The following MME variants were observed in gnomAD, a reference collection of about 807,000 sequenced individuals.
MME encodes membrane metalloendopeptidase.
MME carries 98 observed loss-of-function variants against 113.2 expected under a neutral mutation model. The observed-to-expected ratio is 0.87, with a 90% CI of 0.74 to 1.02. The LOEUF is 1.02. MME is among the 50% of genes least tolerant of loss of function. The pLI is 0.00. For missense variants in MME, 836 were observed against 896.0 expected (o/e 0.93, Z 0.86); for synonymous variants, 292 against 300.6 (o/e 0.97, Z 0.30).
rs776808263 is a variant in MME at position 155,168,692 on chromosome 3, T to C, written c.1915-40T>C. On this transcript the variant is annotated intron_variant, in intron 19 of 22. Coordinates refer to ENST00000360490, the MANE Select transcript of MME (RefSeq NM_007289.4). ...AATCTTAAGTGTATTATTGGTGGTT[T>C]CTTTTTTTAACAATCCTAATAAAGT... 1.1e-5 allele frequency: 18 copies of C among 1,612,448 alleles called. No homozygotes were observed. The South Asian group carries it at 2.0e-4, about 18-fold the overall frequency.
chr3:155,062,787 G>A (rs1052369828), intron 1 of MME, among the ~76,000 whole-genome samples: 4 of 151,946 alleles, frequency 2.6e-5, no homozygotes, highest in African/African-American at 2.4e-5. Context: ...GGGCGCAGTG[G>A]CTCACACCTG....
At chr3:155,053,778 A>C (rs1453536041) in intron 1 of MME, among the ~76,000 whole-genome samples, 1 of 152,214 alleles carries the variant, frequency 6.6e-6, no homozygotes, top group African/African-American at 2.4e-5. Flanking sequence ...GAAAGGAAGA[A>C]TTACTCTGAG....
At chr3:155,144,597 A>G (rs960649504) in intron 14 of MME, 140 bp downstream of exon 14, 5 of 644,802 alleles carry the variant, frequency 7.8e-6, no homozygotes, top group Non-Finnish European at 1.4e-5. Flanking sequence ...GTTTCCAGAA[A>G]GAGTTTTTGT....
chr3:155,083,972 C>T (rs1715409678), intron 1 of MME, 186 bp from the exon 2 acceptor site: 2 of 580,818 alleles, frequency 3.4e-6, no homozygotes, highest in Admixed American at 6.0e-5. Flanking sequence ...GTGACTGAGA[C>T]CTGTCAAATT....
Position 155,142,092 on chromosome 3 carries a change from C to G in MME, c.1059C>G (p.Thr353=), listed in dbSNP as rs1326130247. 4 of 1,613,658 alleles carry G rather than the reference C, an allele frequency of 2.5e-6. No homozygotes were observed. In the Admixed American group the frequency reaches 6.7e-5, roughly 27 times the overall value. The change falls in exon 11 of 23, where the codon ACC becomes ACG. Residue 353 remains threonine, a synonymous_variant. Coordinates refer to ENST00000360490, the MANE Select transcript of MME (RefSeq NM_007289.4). ...TTGTTTATGCTCCAGAATATTTAAC[C>G]AAACTTAAGCCCATTCTTACCAAAT... The part of the protein sequence containing the change: ...DVVVYAPEYL[T]KLKPILTKYS...
intron 22 of MME, among the ~76,000 whole-genome samples, chr3:155,175,673 A>G (rs976776880): frequency 1.3e-5 from 2 of 152,124 alleles, no homozygotes; most frequent in African/African-American, 4.8e-5. Context: ...AAGAAAGGGC[A>G]CTTTTAGAAC....
chr3:155,117,003 A>G lies in MME; in HGVS notation c.654+17A>G, dbSNP rs374953422. 1 of 1,336,198 alleles carries G rather than the reference A, an allele frequency of 7.5e-7. No individual in the cohort carries two copies. Among genetic ancestry groups the G allele is most frequent in the Non-Finnish European group, 1.1e-6 (1 of 928,142 alleles). 82.8% of individuals were successfully genotyped at this position (1,336,198 alleles called of 1,614,324 possible). On this transcript the variant is annotated intron_variant, in intron 7 of 22. Coordinates refer to ENST00000360490, the MANE Select transcript of MME (RefSeq NM_007289.4). Reference sequence around the variant, plus strand: ...GTAATTCATGTAAGTTTGTGTGTCAAATAACTAAAGTTACCTTTAAATTGT... The same window carrying G: ...GTAATTCATGTAAGTTTGTGTGTCAGATAACTAAAGTTACCTTTAAATTGT...
intron 8 of MME, 53 bp from the exon 9 acceptor site, chr3:155,138,049 A>G: frequency 6.3e-7 from 1 of 1,591,488 alleles, no homozygotes; most frequent in Admixed American, 1.7e-5. Flanking sequence ...TTTAAGTACC[A>G]TGATGAATAT....
chr3:155,059,026 G>T (rs907152940), intron 1 of MME, among the ~76,000 whole-genome samples: 1 of 152,106 alleles, frequency 6.6e-6, no homozygotes, highest in African/African-American at 2.4e-5. Context: ...ACTGTGGGAG[G>T]CCAAGGTGAG....
rs143074251 is a variant in MME at position 155,072,221 on chromosome 3, C to A, written c.-10-11937C>A. Among the ~76,000 whole-genome samples, 481 of 147,174 alleles carry A rather than the reference C, an allele frequency of 3.3e-3. 3 individuals carry two copies. The highest frequency in any genetic ancestry group is 0.011 in the African/African-American group (436 of 40,326). On this transcript the variant is annotated intron_variant, in intron 1 of 22. Coordinates refer to the MME transcript ENST00000492661. ...TCACTGTCCTAGCCCTTTAACAGAT[C>A]TCCTTGCCTCCATCCTTTCCCATCC...
intron 1 of MME, among the ~76,000 whole-genome samples, chr3:155,042,512 A>G (rs1402161809): frequency 4.6e-5 from 7 of 152,130 alleles, no homozygotes; most frequent in Non-Finnish European, 7.4e-5. Context: ...TGTGCATAAC[A>G]TTTTGCACAA....
intron 22 of MME, among the ~76,000 whole-genome samples, chr3:155,174,030 T>C (rs945910187): frequency 5.9e-4 from 90 of 152,012 alleles, no homozygotes; most frequent in Non-Finnish European, 1.1e-3. Context: ...CTAGGATTAT[T>C]TGTAGACAAG....
chr3:155,151,902 T>C (rs1052069651), intron 16 of MME, among the ~76,000 whole-genome samples: 3 of 148,272 alleles, frequency 2.0e-5, no homozygotes, highest in Non-Finnish European at 2.9e-5. Flanking sequence ...CTCATCTCAA[T>C]TATTATCCTA....
chr3:155,175,801 C>T (rs1712460616), intron 22 of MME, among the ~76,000 whole-genome samples: 1 of 152,048 alleles, frequency 6.6e-6, no homozygotes. Flanking sequence ...TTTGTTCCTT[C>T]ATAACTCTGT....
rs1274922296 is a variant in MME, at chr3:155,172,596, A to G, written c.2137A>G (p.Ser713Gly). The G allele has an allele frequency of 6.2e-7, 1 of 1,612,756 alleles. No individual in the cohort carries two copies. The highest frequency in any genetic ancestry group is 8.5e-7 in the Non-Finnish European group (1 of 1,178,946). Residue 713 changes from serine (S) to glycine (G), a missense_variant, in exon 22 of 23, where the codon AGT becomes GGT. Transcript: ENST00000360490. ...AVNSIKTDVH[S>G]PGNFRIIGTL... ...TAACTCCATTAAAACAGATGTGCAC[A>G]GTCCAGGCAATTTCAGGTGCGTGGA...
At chr3:155,060,879 T>C (rs1347163948) in intron 1 of MME, among the ~76,000 whole-genome samples, 10 of 150,810 alleles carry the variant, frequency 6.6e-5, no homozygotes, top group Non-Finnish European at 2.9e-5. Flanking sequence ...GAGAGCACTT[T>C]TGCTCTATTC....
intron 8 of MME, among the ~76,000 whole-genome samples, chr3:155,134,219 A>G (rs1720433660): frequency 6.6e-6 from 1 of 152,072 alleles, no homozygotes; most frequent in South Asian, 2.1e-4. Flanking sequence ...GGTTTAGAAT[A>G]TGAATGACCC....
intron 8 of MME, among the ~76,000 whole-genome samples, chr3:155,132,987 G>A (rs1720257237): frequency 7.2e-6 from 1 of 139,554 alleles, no homozygotes; most frequent in Non-Finnish European, 1.5e-5. Flanking sequence ...GTTGCAGTGA[G>A]CCGAGATTGC....
chr3:155,084,478 T>C, intron 2 of MME, 151 bp downstream of exon 2: 1 of 784,250 alleles, frequency 1.3e-6, no homozygotes, highest in East Asian at 2.7e-5. Flanking sequence ...CATCAATATG[T>C]CAAAATAATT....
Sources: allele counts gnomAD v4.1 joint callset (sites outside exome capture counted in the v4.1 genomes callset), GRCh38; gene constraint gnomAD v4.1.1; transcripts MANE v1.5; gene names NCBI Gene and HGNC (gene_info 2026-07-23, HGNC 2026-07-21).